ZBTB7A: variants seen among roughly 807,000 people sequenced by gnomAD.
The protein encoded by ZBTB7A is zinc finger and BTB domain containing 7A.
A neutral mutation model predicts 26.7 loss-of-function variants in ZBTB7A; 7 were observed. The observed-to-expected ratio is 0.26, with a 90% CI of 0.15 to 0.49. The LOEUF (loss-of-function observed/expected upper bound fraction) is 0.49, where lower values mean the gene tolerates loss of function less well. Among genes scored for constraint, ZBTB7A ranks in the 20% least tolerant of loss-of-function variants. The pLI, the probability that ZBTB7A is intolerant of heterozygous loss-of-function variation, is 0.98. For missense variants in ZBTB7A, 617 were observed against 919.5 expected, an observed-to-expected ratio of 0.67 and a Z score of 4.25; for synonymous variants, 452 against 441.0, an observed-to-expected ratio of 1.02 and a Z score of -0.31.
intron 1 of ZBTB7A, among the ~76,000 whole-genome samples, chr19:4,058,532 C>T (rs1176176051): frequency 1.3e-5 from 2 of 152,194 alleles, no homozygotes. Flanking sequence ...TCCGCCCTCT[C>T]CTGGGAGCCC....
intron 1 of ZBTB7A, among the ~76,000 whole-genome samples, chr19:4,055,847 C>T (rs1023321460): frequency 2.6e-5 from 4 of 152,038 alleles, no homozygotes; most frequent in South Asian, 2.1e-4. Flanking sequence ...AATCAAAAAA[C>T]CCTGGCCTCA....
At chr19:4,058,961 G>C (rs987653396) in intron 1 of ZBTB7A, among the ~76,000 whole-genome samples, 1 of 152,218 alleles carries the variant, frequency 6.6e-6, no homozygotes, top group African/African-American at 2.4e-5. Flanking sequence ...TGGGGCGGTG[G>C]GCTCAGATGT....
Position 4,046,560 on chromosome 19 carries a change from T to C in ZBTB7A, c.*1192A>G, listed in dbSNP as rs1214282879. ...CGTTACAAAGTGCCAAGACTTCTAA[T>C]GTGGTTGGTTGCCTTTTTTTTTTTC... On this transcript the variant is annotated 3_prime_UTR_variant, in exon 3 of 3. Coordinates refer to ENST00000322357, the MANE Select transcript of ZBTB7A (RefSeq NM_015898.4). 6.7e-6 allele frequency: 1 copy of C among 149,956 alleles called. No homozygotes were observed. Among genetic ancestry groups the C allele is most frequent in the African/African-American group, 2.5e-5 (1 of 40,222 alleles). The allele number at this position is 149,956 out of a possible 1,614,324, so 9.3% of individuals were successfully genotyped here.
Position 4,047,763 on chromosome 19 carries a change from C to G in ZBTB7A, c.1744G>C (p.Gly582Arg). 1 of 1,597,792 alleles carries G rather than the reference C, an allele frequency of 6.3e-7. No individual in the cohort carries two copies. The highest frequency in any genetic ancestry group is 8.5e-7 in the Non-Finnish European group (1 of 1,172,882). Residue 582 changes from glycine (G) to arginine (R), a missense_variant, in exon 3 of 3, where the codon GGA (glycine) becomes CGA (arginine). By Grantham distance (125) the Gly-to-Arg change is moderately radical (BLOSUM62 -2). Coordinates refer to ENST00000322357, the MANE Select transcript of ZBTB7A (RefSeq NM_015898.4). The stretch of plus-strand genomic sequence containing the variant: ...TCTCTTTTTGGTTTTTAGGCGAGTC[C>G]GGCTGTGAAGTTACCGTCGGTGGCG... Reference protein sequence around the residue: ...GAATDGNFTAGLA With the variant: ...GAATDGNFTARLA
chr19:4,054,280 G>A lies in ZBTB7A; in HGVS notation c.953C>T (p.Thr318Met), dbSNP rs777471619. 1.3e-6 allele frequency: 2 copies of A among 1,553,404 alleles called. No homozygotes were observed. The highest frequency in any genetic ancestry group is 1.7e-6 in the Non-Finnish European group (2 of 1,156,450). Residue 318 changes from threonine to methionine, a missense_variant, in exon 2 of 3, where the codon ACG becomes ATG. By Grantham distance (81) the Thr-to-Met change is moderately conservative. Coordinates refer to ENST00000322357, the MANE Select transcript of ZBTB7A (RefSeq NM_015898.4). ...CGATGACATCATCTGCTGCAGCAGCGTGCTGGCCGCCAGCCCGTCCACGTC... is the reference window on the plus strand; with the variant it reads ...CGATGACATCATCTGCTGCAGCAGCATGCTGGCCGCCAGCCCGTCCACGTC... The part of the protein sequence containing the change: ...GPDVDGLAAS[T>M]LLQQMMSSVG...
rs1346984161 is a variant in ZBTB7A, at chr19:4,048,487, A to C, written c.1263-243T>G. Reference sequence around the variant, plus strand: ...CTGAGTGCTGTGTGGCCTTGGGAAAACGCTATGCCTCTCTGAACCCCGTTT... The same window carrying C: ...CTGAGTGCTGTGTGGCCTTGGGAAACCGCTATGCCTCTCTGAACCCCGTTT... On this transcript the variant is annotated intron_variant, in intron 2 of 2. Transcript: ENST00000322357. This position sits in a 1 kb window ranked among gnomAD's most constrained non-coding sequence, Gnocchi z 6.7. Among the ~76,000 whole-genome samples the C allele has an allele frequency of 6.6e-6, 1 of 152,028 alleles. No individual in the cohort carries two copies. Among genetic ancestry groups the C allele is most frequent in the Non-Finnish European group, 1.5e-5 (1 of 67,982 alleles).
chr19:4,055,309 T>G, intron 1 of ZBTB7A, 62 bp from the exon 2 acceptor site: 1 of 1,428,590 alleles, frequency 7.0e-7, no homozygotes, highest in Non-Finnish European at 9.1e-7. Context: ...CTGTGCCCAC[T>G]GACAAGGGCC....
At chr19:4,058,359 C>A (rs958452505) in intron 1 of ZBTB7A, among the ~76,000 whole-genome samples, 1 of 152,252 alleles carries the variant, frequency 6.6e-6, no homozygotes, top group African/African-American at 2.4e-5. Flanking sequence ...GCCTCAGTCT[C>A]CCTATCTGTC....
intron 1 of ZBTB7A, among the ~76,000 whole-genome samples, chr19:4,061,415 A>G (rs532169131): frequency 6.6e-6 from 1 of 151,726 alleles, no homozygotes; most frequent in South Asian, 2.1e-4. Context: ...GTTGGTCCCG[A>G]CGGGTAACCC....
In ZBTB7A at chr19:4,066,698, G is replaced by T; in HGVS notation, c.-32C>A. 6.6e-6 allele frequency: 1 copy of T among 151,094 alleles called. No individual in the cohort carries two copies. The highest frequency in any genetic ancestry group is 1.9e-4 in the South Asian group (1 of 5,294). 9.4% of individuals were successfully genotyped at this position (151,094 alleles called of 1,614,324 possible). A position where few individuals can be genotyped will look rare whatever the true frequency, so the allele number is the denominator to read the frequency against. On this transcript the variant is annotated 5_prime_UTR_variant, in exon 1 of 3. Transcript: ENST00000322357. ...CTGACTTACCTCGCGGGGCCGGGCCGGGGCGCGCGGGGCCGGGGCCCGAAG... is the reference window on the plus strand; with the variant it reads ...CTGACTTACCTCGCGGGGCCGGGCCTGGGCGCGCGGGGCCGGGGCCCGAAG...
At chr19:4,066,030 C>G (rs1279293087) in intron 1 of ZBTB7A, among the ~76,000 whole-genome samples, 1 of 148,746 alleles carries the variant, frequency 6.7e-6, no homozygotes, top group Non-Finnish European at 1.5e-5. Context: ...GGCGGGCTGT[C>G]GGCGCGGGGC....
intron 1 of ZBTB7A, among the ~76,000 whole-genome samples, chr19:4,063,178 G>A (rs774944208): frequency 2.0e-5 from 3 of 152,156 alleles, no homozygotes; most frequent in Non-Finnish European, 2.9e-5. Context: ...GGGAGTTTCC[G>A]CCGCGGAGGA....
At chr19:4,050,124 C>G (rs567201424) in intron 2 of ZBTB7A, among the ~76,000 whole-genome samples, 4 of 152,166 alleles carry the variant, frequency 2.6e-5, no homozygotes, top group Non-Finnish European at 4.4e-5. Context: ...GGGGTTTCAC[C>G]ATGTTGGCCG....
intron 1 of ZBTB7A, chr19:4,065,638 A>T (rs2040687813): frequency 7.4e-6 from 1 of 135,900 alleles, no homozygotes; most frequent in African/African-American, 2.7e-5. Context: ...CGCCTCCCCC[A>T]CGCCCGGGCC....
chr19:4,051,979 G>A (rs957006231), intron 2 of ZBTB7A, among the ~76,000 whole-genome samples: 1 of 152,108 alleles, frequency 6.6e-6, no homozygotes, highest in African/African-American at 2.4e-5. Flanking sequence ...GAGGGGCCTC[G>A]GGCTCCCAGG....
chr19:4,043,733 C>T lies in ZBTB7A; in HGVS notation c.*4019G>A, dbSNP rs1176837868. 2.5e-5 allele frequency among the ~76,000 whole-genome samples: 3 copies of T among 118,006 alleles called. No individual in the cohort carries two copies. Among genetic ancestry groups the T allele is most frequent in the African/African-American group, 3.8e-5 (1 of 26,558 alleles). 77.4% of individuals were successfully genotyped at this position (118,006 alleles called of 152,430 possible). ...CCCCTGGGCCCGGCCCCCCCCCCCC[C>T]CCCCCGTAAATCTATGTATTTAATG... On this transcript the variant is annotated 3_prime_UTR_variant, in exon 3 of 3. Transcript: ENST00000322357.
intron 1 of ZBTB7A, among the ~76,000 whole-genome samples, chr19:4,061,128 G>A (rs1005520683): frequency 1.3e-5 from 2 of 152,196 alleles, no homozygotes; most frequent in Non-Finnish European, 2.9e-5. Context: ...CCTAATGTGC[G>A]CCAGAGCCAG....
rs1568230028 is a variant in ZBTB7A at position 4,048,252 on chromosome 19, CG to C, written c.1263-9del. 5 of 1,576,224 alleles carry C rather than the reference CG, an allele frequency of 3.2e-6. No homozygotes were observed. The highest frequency in any genetic ancestry group is 4.3e-6 in the Non-Finnish European group (5 of 1,168,158). ...ACCTTCAGCTTGTCCTGCCTGTGGA[CG>C]GGGCACGGGGCGGGCACGGTCAGTG... On this transcript the variant is annotated splice_polypyrimidine_tract_variant and intron_variant, in intron 2 of 2. Coordinates refer to ENST00000322357, the MANE Select transcript of ZBTB7A (RefSeq NM_015898.4). This position sits in a 1 kb window ranked among gnomAD's most constrained non-coding sequence, Gnocchi z 6.7.
intron 2 of ZBTB7A, among the ~76,000 whole-genome samples, chr19:4,049,282 T>TA (rs1568230776): frequency 6.9e-6 from 1 of 144,492 alleles, no homozygotes; most frequent in African/African-American, 2.6e-5. Flanking sequence ...AGTGATCCTC[T>TA]TGCCTCGGCC....
Sources: gnomAD v4.1 joint callset for allele counts (sites outside exome capture counted in the v4.1 genomes callset) on GRCh38, gnomAD v4.1.1 for gene constraint, Gnocchi (gnomAD v3.1) non-coding constraint, MANE v1.5 for transcripts, NCBI Gene and HGNC (gene_info 2026-07-23, HGNC 2026-07-21) for gene names.